LIMK2: variants seen among roughly 807,000 people sequenced by gnomAD.
LIMK2 encodes LIM domain kinase 2.
Under a neutral mutation model 75.7 loss-of-function variants are expected in LIMK2, and 35 were observed. The ratio of observed to expected loss-of-function variants is 0.46; its 90% confidence interval spans 0.35 to 0.61. The LOEUF (loss-of-function observed/expected upper bound fraction) is 0.61, where lower values mean the gene tolerates loss of function less well. Among genes scored for constraint, LIMK2 ranks in the 20% least tolerant of loss-of-function variants. The probability of loss-of-function intolerance (pLI) is 0.00; values close to 1 mark genes in which losing one functional copy is unlikely to be tolerated. For synonymous variants in LIMK2, 301 were observed against 319.2 expected, an observed-to-expected ratio of 0.94 and a Z score of 0.61; for missense variants, 623 against 831.0, an observed-to-expected ratio of 0.75 and a Z score of 3.08.
rs1248968350 is a variant in LIMK2 at position 31,279,339 on chromosome 22, G to C, written c.*898G>C. Reference sequence around the variant, plus strand: ...AAAGCTCGATGGGTTCTGGAGGACAGTGTGGCTTGTCACAGGCCTAGAGTC... The same window carrying C: ...AAAGCTCGATGGGTTCTGGAGGACACTGTGGCTTGTCACAGGCCTAGAGTC... On this transcript the variant is annotated 3_prime_UTR_variant, in exon 16 of 16. Transcript: ENST00000331728. The C allele has an allele frequency of 6.6e-6, 1 of 152,258 alleles. No individual in the cohort carries two copies. The highest frequency in any genetic ancestry group is 1.5e-5 in the Non-Finnish European group (1 of 68,066). The allele number at this position is 152,258 out of a possible 1,614,324, so 9.4% of individuals were successfully genotyped here. A position where few individuals can be genotyped will look rare whatever the true frequency, so the allele number is the denominator to read the frequency against.
rs149426597 is a variant in LIMK2, at chr22:31,260,024, C to T, written c.498C>T (p.Ser166=). 7.5e-6 allele frequency: 12 copies of T among 1,608,994 alleles called. No individual in the cohort carries two copies. The highest frequency in any genetic ancestry group is 6.8e-5 in the Admixed American group (4 of 58,828). ...CCACTGAAGGCAGGCGGGGCTTCTC[C>T]GTGTCCGTGGAGAGTGCCTGCTCCA... The part of the protein sequence containing the change: ...PATTEGRRGF[S]VSVESACSNY... The change falls in exon 5 of 16, where the codon TCC becomes TCT. Residue 166 remains serine (S), a synonymous_variant. Coordinates refer to ENST00000331728, the MANE Select transcript of LIMK2 (RefSeq NM_005569.4).
chr22:31,212,327 G>A lies in LIMK2; in HGVS notation c.-82G>A. The A allele has an allele frequency of 7.8e-7, 1 of 1,288,082 alleles. No homozygotes were observed. 79.8% of individuals were successfully genotyped at this position (1,288,082 alleles called of 1,614,324 possible). On this transcript the variant is annotated 5_prime_UTR_variant, in exon 1 of 16. Coordinates refer to ENST00000331728, the MANE Select transcript of LIMK2 (RefSeq NM_005569.4). ...TCCCGCGCCTGAGGCGGCGGCGGCA[G>A]GAGCTGAGGGGAGTTGTAGGGAACT...
chr22:31,268,330 G>A (rs1163215394), intron 11 of LIMK2, 130 bp downstream of exon 11: 4 of 774,074 alleles, frequency 5.2e-6, no homozygotes, highest in Middle Eastern at 2.3e-4. Flanking sequence ...TATTCATTGA[G>A]TTTGTCTGTG....
intron 14 of LIMK2, among the ~76,000 whole-genome samples, chr22:31,274,701 A>G (rs983324778): frequency 3.3e-5 from 5 of 152,204 alleles, no homozygotes; most frequent in Admixed American, 6.5e-5. Context: ...GTGCCTGGCC[A>G]TGAAGGAAGA....
chr22:31,270,736 C>G (rs1273289104), intron 11 of LIMK2, among the ~76,000 whole-genome samples: 2 of 152,168 alleles, frequency 1.3e-5, no homozygotes, highest in Non-Finnish European at 2.9e-5. Flanking sequence ...CAGGAAGGAT[C>G]CAAAGTGGCT....
At position 31,278,406 on chromosome 22, in the gene LIMK2, A is replaced by C. The variant is rs778621131; in HGVS notation, c.1882A>C (p.Met628Leu). 3 of 1,613,716 alleles carry C rather than the reference A, an allele frequency of 1.9e-6. No homozygotes were observed. The highest frequency in any genetic ancestry group is 2.5e-6 in the Non-Finnish European group (3 of 1,179,848). Residue 628 changes from methionine to leucine, a missense_variant, in exon 16 of 16, where the codon ATG (methionine) becomes CTG (leucine). Physicochemically the swap from Met to Leu is conservative, Grantham distance 15. Around this residue, in one of 3 missense-constraint regions of LIMK2, gnomAD observed 46 missense variants for 46.9 expected, o/e 0.98. Coordinates refer to ENST00000331728, the MANE Select transcript of LIMK2 (RefSeq NM_005569.4). ...ELEELDHTVS[M>L]QYGLTRDSPP ...GGAGGAGTTGGACCACACTGTGAGC[A>C]TGCAGTACGGCCTGACCCGGGACTC...
intron 1 of LIMK2, 118 bp downstream of exon 1, chr22:31,212,542 G>A: frequency 9.8e-7 from 1 of 1,021,642 alleles, no homozygotes; most frequent in Non-Finnish European, 1.3e-6. Context: ...TCGTGGGTCC[G>A]AGCTCCTCAG....
At chr22:31,258,846 C>A in intron 3 of LIMK2, 1 of 434,944 alleles carries the variant, frequency 2.3e-6, no homozygotes, top group Non-Finnish European at 4.3e-6. Context: ...ACTTGCCAAC[C>A]CTGTATTGGA....
chr22:31,265,374 T>C (rs762909961), intron 7 of LIMK2, among the ~76,000 whole-genome samples: 2 of 147,606 alleles, frequency 1.4e-5, no homozygotes, highest in Non-Finnish European at 3.0e-5. Flanking sequence ...TCAAAAATAA[T>C]AATAATAACA....
At chr22:31,247,210 A>G (rs990550184) in intron 2 of LIMK2, among the ~76,000 whole-genome samples, 6 of 147,690 alleles carry the variant, frequency 4.1e-5, no homozygotes, top group Non-Finnish European at 4.4e-5. Flanking sequence ...CAGTAGTGAG[A>G]TCTGAGTGTT....
intron 15 of LIMK2, among the ~76,000 whole-genome samples, chr22:31,278,061 ATTGTTT>A (rs1476509970): frequency 5.9e-5 from 9 of 152,042 alleles, no homozygotes; most frequent in African/African-American, 1.9e-4. Flanking sequence ...TTTTTCTCCT[ATTGTTT>A]TTAAGTATTA....
At chr22:31,270,638 TA>T (rs1254267074) in intron 11 of LIMK2, among the ~76,000 whole-genome samples, 1 of 152,212 alleles carries the variant, frequency 6.6e-6, no homozygotes, top group East Asian at 1.9e-4. Flanking sequence ...GCTTAAAGTT[TA>T]GACAGTGGGG....
rs1397389857 is a variant in LIMK2, at chr22:31,278,380, T to C, written c.1856T>C (p.Leu619Pro). Residue 619 changes from leucine (L) to proline (P), a missense_variant, in exon 16 of 16, where the codon CTG (leucine) becomes CCG (proline). Physicochemically the swap from Leu to Pro is moderately conservative, Grantham distance 98 (BLOSUM62 -3). Coordinates refer to ENST00000331728, the MANE Select transcript of LIMK2 (RefSeq NM_005569.4). Reference protein sequence around the residue: ...GELGIPLPAELEELDHTVSMQ... With the variant: ...GELGIPLPAEPEELDHTVSMQ... ...CTGGGCATCCCGCTGCCTGCAGAGCTGGAGGAGTTGGACCACACTGTGAGC... is the reference window on the plus strand; with the variant it reads ...CTGGGCATCCCGCTGCCTGCAGAGCCGGAGGAGTTGGACCACACTGTGAGC... 1 of 1,613,840 alleles carries C rather than the reference T, an allele frequency of 6.2e-7. No individual in the cohort carries two copies. The highest frequency in any genetic ancestry group is 1.3e-5 in the African/African-American group (1 of 74,916).
At chr22:31,230,967 T>C (rs1232977369) in intron 2 of LIMK2, among the ~76,000 whole-genome samples, 2 of 152,184 alleles carry the variant, frequency 1.3e-5, no homozygotes, top group Non-Finnish European at 2.9e-5. Context: ...GCACATTTAA[T>C]CCTTACAATG....
intron 5 of LIMK2, among the ~76,000 whole-genome samples, chr22:31,261,771 TA>T (rs2048842143): frequency 6.6e-6 from 1 of 151,052 alleles, no homozygotes; most frequent in African/African-American, 2.4e-5. Context: ...CCATCTCAAA[TA>T]AAAATTAAAA....
chr22:31,271,316 C>A, intron 12 of LIMK2, 115 bp downstream of exon 12: 1 of 861,818 alleles, frequency 1.2e-6, no homozygotes, highest in Non-Finnish European at 2.0e-6. Context: ...TGCCTAGGAG[C>A]TCCTATCTTT....
intron 15 of LIMK2, chr22:31,276,850 C>T (rs778127845): frequency 1.7e-5 from 27 of 1,611,956 alleles, no homozygotes; most frequent in Non-Finnish European, 1.7e-5. Flanking sequence ...CCCAGTGAGG[C>T]GCCAAGGGAA....
intron 2 of LIMK2, among the ~76,000 whole-genome samples, chr22:31,237,177 C>T (rs1312054388): frequency 6.7e-6 from 1 of 149,818 alleles, no homozygotes; most frequent in Admixed American, 6.7e-5. Context: ...AGGAGAATGG[C>T]GTGAACCCGG....
chr22:31,220,346 T>C (rs1036470743), intron 1 of LIMK2, among the ~76,000 whole-genome samples: 1 of 152,210 alleles, frequency 6.6e-6, no homozygotes, highest in Non-Finnish European at 1.5e-5. Context: ...TCATCTGTGC[T>C]GACCTTTGGA....
Sources: allele counts gnomAD v4.1 joint callset (sites outside exome capture counted in the v4.1 genomes callset), GRCh38; gene constraint gnomAD v4.1.1; regional missense constraint gnomAD v4.1.1; transcripts MANE v1.5; gene names NCBI Gene and HGNC (gene_info 2026-07-23, HGNC 2026-07-21).